EVI5: variants seen among roughly 807,000 people sequenced by gnomAD.
EVI5 encodes the protein ecotropic viral integration site 5 protein homolog.
EVI5 carries 73 observed loss-of-function variants against 112.0 expected under a neutral mutation model. The ratio of observed to expected loss-of-function variants is 0.65; its 90% confidence interval spans 0.54 to 0.79. The LOEUF (loss-of-function observed/expected upper bound fraction) is 0.79, where lower values mean the gene tolerates loss of function less well. Among genes scored for constraint, EVI5 ranks in the 30% least tolerant of loss-of-function variants. EVI5 has a pLI of 0.00. For missense variants in EVI5, 900 were observed against 968.8 expected, an observed-to-expected ratio of 0.93 and a Z score of 0.94; for synonymous variants, 305 against 319.9, an observed-to-expected ratio of 0.95 and a Z score of 0.50.
chr1:92,743,468 T>G (rs914616124), intron 1 of EVI5, among the ~76,000 whole-genome samples: 1 of 152,174 alleles, frequency 6.6e-6, no homozygotes, highest in Non-Finnish European at 1.5e-5. Context: ...TCCACTTTTA[T>G]GAGATAGTCA....
At chr1:92,527,414 C>CAAAAAAAAAAA (rs763348201) in intron 19 of EVI5, among the ~76,000 whole-genome samples, 1 of 18,636 alleles carries the variant, frequency 5.4e-5, no homozygotes, top group Non-Finnish European at 1.1e-4. Context: ...GACACTGTCT[C>CAAAAAAAAAAA]AAAAAAAAAA....
intron 1 of EVI5, among the ~76,000 whole-genome samples, chr1:92,760,785 A>G (rs1187580663): frequency 6.6e-6 from 1 of 151,058 alleles, no homozygotes; most frequent in Non-Finnish European, 1.5e-5. Context: ...GGCCGGGCGC[A>G]GTGGCTCACG....
intron 14 of EVI5, among the ~76,000 whole-genome samples, chr1:92,627,934 G>T (rs369985695): frequency 6.6e-6 from 1 of 151,912 alleles, no homozygotes; most frequent in African/African-American, 2.4e-5. Context: ...GATTACAGGC[G>T]CCGGCCACCA....
At chr1:92,687,285 G>A (rs183140536) in intron 9 of EVI5, among the ~76,000 whole-genome samples, 2 of 152,234 alleles carry the variant, frequency 1.3e-5, no homozygotes, top group African/African-American at 4.8e-5. Context: ...AACAAAAAAT[G>A]GGAAAAAGAT....
At chr1:92,520,256 C>T (rs1334755030) in intron 19 of EVI5, among the ~76,000 whole-genome samples, 1 of 151,960 alleles carries the variant, frequency 6.6e-6, no homozygotes, top group African/African-American at 2.4e-5. Flanking sequence ...CTCATAACAC[C>T]ATCTTGGAAA....
chr1:92,672,603 C>T (rs1329778499), intron 10 of EVI5, among the ~76,000 whole-genome samples: 1 of 152,140 alleles, frequency 6.6e-6, no homozygotes, highest in Admixed American at 6.5e-5. Flanking sequence ...TTTGACTTTT[C>T]TGTTTATTGT....
At chr1:92,704,457 T>C (rs893061599) in intron 3 of EVI5, 98 bp downstream of exon 3, 1 of 693,522 alleles carries the variant, frequency 1.4e-6, no homozygotes, top group Non-Finnish European at 2.4e-6. Flanking sequence ...ATATATAGCT[T>C]GGAAGTTGTA....
At chr1:92,550,949 AAAAAT>A (rs1264766609) in intron 19 of EVI5, among the ~76,000 whole-genome samples, 15 of 146,560 alleles carry the variant, frequency 1.0e-4, no homozygotes, top group South Asian at 4.3e-4. Context: ...GTATATTAAG[AAAAAT>A]AAAATAAAAA....
At chr1:92,560,106 A>C (rs2100856721) in intron 19 of EVI5, among the ~76,000 whole-genome samples, 1 of 152,348 alleles carries the variant, frequency 6.6e-6, no homozygotes, top group East Asian at 1.9e-4. Flanking sequence ...GGCATAAATC[A>C]CTTAAAGCAA....
At chr1:92,782,994 AT>A (rs1254626022) in intron 1 of EVI5, among the ~76,000 whole-genome samples, 1 of 151,900 alleles carries the variant, frequency 6.6e-6, no homozygotes, top group Non-Finnish European at 1.5e-5. Context: ...TAATTTTTGT[AT>A]TTTTAGTAGA....
chr1:92,535,752 C>A (rs1663771833), intron 19 of EVI5, among the ~76,000 whole-genome samples: 2 of 151,952 alleles, frequency 1.3e-5, no homozygotes, highest in Admixed American at 6.6e-5. Flanking sequence ...CACACCGGGG[C>A]CTGTCGTGGG....
chr1:92,628,920 A>T (rs559963426), intron 14 of EVI5, among the ~76,000 whole-genome samples: 2 of 152,238 alleles, frequency 1.3e-5, no homozygotes, highest in African/African-American at 2.4e-5. Context: ...TGGAAGCAGA[A>T]AAAAAGAGGA....
Position 92,513,618 on chromosome 1 carries a change from T to A in EVI5, c.*38A>T, listed in dbSNP as rs1571243361. On this transcript the variant is annotated 3_prime_UTR_variant, in exon 20 of 20. Coordinates refer to ENST00000684568, the MANE Select transcript of EVI5 (RefSeq NM_001350197.2). The stretch of plus-strand genomic sequence containing the variant: ...AAAGCCCTAATCATATGATAACTGA[T>A]CCCTTAAATAAATCCATAGTCTAGG... 1 of 1,357,630 alleles carries A rather than the reference T, an allele frequency of 7.4e-7. No homozygotes were observed. The highest frequency in any genetic ancestry group is 1.5e-5 in the African/African-American group (1 of 67,452). 84.1% of individuals were successfully genotyped at this position (1,357,630 alleles called of 1,614,324 possible).
intron 18 of EVI5, among the ~76,000 whole-genome samples, chr1:92,598,993 T>C (rs1022632153): frequency 2.6e-5 from 4 of 152,012 alleles, no homozygotes; most frequent in African/African-American, 9.7e-5. Context: ...AAGTTCTAAG[T>C]AGACTGAATA....
At chr1:92,660,307 T>C (rs947701720) in intron 13 of EVI5, among the ~76,000 whole-genome samples, 8 of 151,914 alleles carry the variant, frequency 5.3e-5, no homozygotes, top group African/African-American at 1.9e-4. Context: ...TTATGTTAAG[T>C]GAAATAAGCC....
intron 1 of EVI5, among the ~76,000 whole-genome samples, chr1:92,767,931 T>C (rs2103025159): frequency 6.6e-6 from 1 of 152,104 alleles, no homozygotes; most frequent in Admixed American, 6.6e-5. Context: ...AATACAAAAA[T>C]TAGCTAGGCA....
At chr1:92,717,399 T>G (rs977232495) in intron 2 of EVI5, among the ~76,000 whole-genome samples, 3 of 152,138 alleles carry the variant, frequency 2.0e-5, no homozygotes, top group African/African-American at 7.2e-5. Flanking sequence ...TCAACATTCT[T>G]AAAGAAAAGA....
At chr1:92,562,884 G>A (rs1248943563) in intron 19 of EVI5, among the ~76,000 whole-genome samples, 1 of 151,818 alleles carries the variant, frequency 6.6e-6, no homozygotes, top group East Asian at 1.9e-4. Context: ...AACAAATAAA[G>A]GTTATACTAC....
At chr1:92,609,811 T>C (rs1366760464) in intron 16 of EVI5, among the ~76,000 whole-genome samples, 3 of 152,180 alleles carry the variant, frequency 2.0e-5, no homozygotes, top group African/African-American at 4.8e-5. Context: ...TAGAACTTTC[T>C]TCATCTTTAC....
Sources: allele counts gnomAD v4.1 joint callset (sites outside exome capture counted in the v4.1 genomes callset), GRCh38; gene constraint gnomAD v4.1.1; transcripts MANE v1.5; gene names NCBI Gene and HGNC (gene_info 2026-07-23, HGNC 2026-07-21).